The following VAV3 variants were observed in gnomAD, a reference collection of about 807,000 sequenced individuals.
VAV3 encodes guanine nucleotide exchange factor VAV3.
A neutral mutation model predicts 131.2 loss-of-function variants in VAV3; 94 were observed. That is an observed-to-expected ratio of 0.72 (90% CI 0.61 to 0.85). VAV3 has a LOEUF of 0.85. Ranked by LOEUF, VAV3 falls within the 40% of genes least tolerant of loss-of-function variation. The probability of loss-of-function intolerance (pLI) is 0.00; values close to 1 mark genes in which losing one functional copy is unlikely to be tolerated. For synonymous variants in VAV3, 349 were observed against 342.0 expected (o/e 1.02, Z -0.22); for missense variants, 939 against 1,002.7 (o/e 0.94, Z 0.86).
intron 20 of VAV3, among the ~76,000 whole-genome samples, chr1:107,637,348 C>T (rs1189787808): frequency 1.3e-5 from 2 of 151,992 alleles, no homozygotes; most frequent in African/African-American, 2.4e-5. Context: ...CTAGGCCAGG[C>T]GTGCTGACTC....
At position 107,711,922 on chromosome 1, in the gene VAV3, G is replaced by A. The variant is rs200729870; in HGVS notation, c.1503-6861C>T. Among the ~76,000 whole-genome samples the A allele has an allele frequency of 4.6e-5, 7 of 152,230 alleles. No individual in the cohort carries two copies. In the East Asian group the frequency reaches 5.8e-4, roughly 13 times the overall value. ...GCTGGTCTCAAACTCCTGACCTCAG[G>A]TGATCTGCCCACCTCAGCCTCCCAA... On this transcript the variant is annotated intron_variant, in intron 15 of 26. Coordinates refer to ENST00000370056, the MANE Select transcript of VAV3 (RefSeq NM_006113.5).
At chr1:107,810,504 T>C (rs1278978818) in intron 2 of VAV3, among the ~76,000 whole-genome samples, 1 of 152,202 alleles carries the variant, frequency 6.6e-6, no homozygotes, top group Non-Finnish European at 1.5e-5. Context: ...TTAAAATTGC[T>C]ATGAGACATG....
rs1298308415 is a variant in VAV3 at position 107,571,268 on chromosome 1, G to A, written c.*2063C>T. On this transcript the variant is annotated 3_prime_UTR_variant, in exon 27 of 27. Transcript: ENST00000370056. ...GAGGGCTGCATACAGGCAAGACAAA[G>A]TATATGGAAAACATTTACTTCTGTC... 1 of 152,648 alleles carries A rather than the reference G, an allele frequency of 6.6e-6. No individual in the cohort carries two copies. Among genetic ancestry groups the A allele is most frequent in the African/African-American group, 2.4e-5 (1 of 41,448 alleles). 9.5% of individuals were successfully genotyped at this position (152,648 alleles called of 1,614,324 possible).
intron 19 of VAV3, 117 bp from the exon 20 acceptor site, chr1:107,642,872 A>G: frequency 7.2e-7 from 1 of 1,398,270 alleles, no homozygotes; most frequent in Non-Finnish European, 9.7e-7. Context: ...ACCAAGTCCA[A>G]GTAAACATTT....
At chr1:107,689,195 T>C (rs1317471741) in intron 17 of VAV3, among the ~76,000 whole-genome samples, 2 of 152,144 alleles carry the variant, frequency 1.3e-5, no homozygotes, top group African/African-American at 2.4e-5. Flanking sequence ...GGAGCACTTA[T>C]ACATGTTCTA....
chr1:107,762,484 C>T (rs1664497385), intron 9 of VAV3, among the ~76,000 whole-genome samples: 1 of 152,172 alleles, frequency 6.6e-6, no homozygotes, highest in Non-Finnish European at 1.5e-5. Context: ...CAACCAGTTT[C>T]TTACTTCTAC....
At chr1:107,650,981 T>C (rs1176560988) in intron 19 of VAV3, among the ~76,000 whole-genome samples, 1 of 152,052 alleles carries the variant, frequency 6.6e-6, no homozygotes, top group African/African-American at 2.4e-5. Context: ...TTCATGTCCT[T>C]TGTAGGGACA....
chr1:107,785,183 T>C (rs976640987), intron 2 of VAV3, among the ~76,000 whole-genome samples: 1 of 152,198 alleles, frequency 6.6e-6, no homozygotes, highest in Non-Finnish European at 1.5e-5. Flanking sequence ...CTGTTGATGT[T>C]ATTTGTAATT....
intron 17 of VAV3, among the ~76,000 whole-genome samples, chr1:107,694,221 C>A (rs1570766575): frequency 2.0e-5 from 3 of 152,106 alleles, no homozygotes; most frequent in Non-Finnish European, 1.5e-5. Flanking sequence ...ATTGGATGGT[C>A]AAGGTACGGT....
chr1:107,881,700 A>C (rs1670790985), intron 1 of VAV3, among the ~76,000 whole-genome samples: 1 of 152,236 alleles, frequency 6.6e-6, no homozygotes, highest in Admixed American at 6.5e-5. Context: ...CCGAAGAAGA[A>C]AGTTTAACAC....
At chr1:107,788,678 A>G (rs1375932434) in intron 2 of VAV3, among the ~76,000 whole-genome samples, 1 of 152,198 alleles carries the variant, frequency 6.6e-6, no homozygotes, top group African/African-American at 2.4e-5. Context: ...GCTGCCTGAA[A>G]GCACAGTTTT....
rs746309737 is a variant in VAV3 at position 107,874,922 on chromosome 1, A to G, written c.300T>C (p.Phe100=). The part of the protein sequence containing the change: ...KSELFEAFDL[F]DVRDFGKVIE... ...TTACCTTTCCAAAGTCACGAACATC[A>G]AACAAGTCAAATGCCTCGAAAAGTT... is the stretch of plus-strand genomic sequence containing the variant. Residue 100 remains phenylalanine, a synonymous_variant, in exon 2 of 27, where the codon TTT becomes TTC. Transcript: ENST00000370056. The G allele has an allele frequency of 3.7e-6, 6 of 1,613,322 alleles. No individual in the cohort carries two copies. In the South Asian group the frequency reaches 5.5e-5, roughly 15 times the overall value.
At chr1:107,797,425 G>C (rs918315526) in intron 2 of VAV3, among the ~76,000 whole-genome samples, 3 of 152,102 alleles carry the variant, frequency 2.0e-5, no homozygotes, top group African/African-American at 7.2e-5. Flanking sequence ...CCTTTCCTTA[G>C]GGAGTTATCA....
intron 20 of VAV3, among the ~76,000 whole-genome samples, chr1:107,642,369 T>A (rs2101504833): frequency 3.9e-5 from 6 of 152,216 alleles, no homozygotes; most frequent in Admixed American, 3.9e-4. Context: ...CCCAATATGA[T>A]CTAAAAAGGG....
intron 19 of VAV3, among the ~76,000 whole-genome samples, chr1:107,675,595 G>C (rs1033444487): frequency 6.6e-6 from 1 of 152,160 alleles, no homozygotes; most frequent in African/African-American, 2.4e-5. Flanking sequence ...CCGTGAAGCA[G>C]GTAGTGGCTT....
chr1:107,962,510 C>T (rs151323123), intron 1 of VAV3, among the ~76,000 whole-genome samples: 177 of 152,302 alleles, frequency 1.2e-3, no homozygotes, highest in African/African-American at 3.3e-3. Context: ...ATGTTAAATA[C>T]GTCAAGTTGT....
chr1:107,773,259 T>C (rs1375022742), intron 4 of VAV3, among the ~76,000 whole-genome samples: 1 of 152,214 alleles, frequency 6.6e-6, no homozygotes, highest in Non-Finnish European at 1.5e-5. Context: ...ACCAAGTCTG[T>C]CTTAACGCTG....
At chr1:107,705,199 T>C (rs950038106) in intron 15 of VAV3, 138 bp from the exon 16 acceptor site, 25 of 688,858 alleles carry the variant, frequency 3.6e-5, no homozygotes, top group Non-Finnish European at 5.9e-5. Flanking sequence ...ATGTGCAATG[T>C]TTTCTAAGCC....
At chr1:107,772,626 C>T in intron 5 of VAV3, 109 bp downstream of exon 5, 2 of 875,208 alleles carry the variant, frequency 2.3e-6, no homozygotes, top group Non-Finnish European at 1.7e-6. Context: ...TAGTTATAAG[C>T]AAGCAAAGGT....
Sources: allele counts gnomAD v4.1 joint callset (sites outside exome capture counted in the v4.1 genomes callset), GRCh38; gene constraint gnomAD v4.1.1; transcripts MANE v1.5; gene names NCBI Gene and HGNC (gene_info 2026-07-23, HGNC 2026-07-21).